EML3: variants seen among roughly 807,000 people sequenced by gnomAD.
The protein encoded by EML3 is EMAP like 3.
In EML3, 53 loss-of-function variants were observed where a neutral mutation model predicts 106.7. The ratio of observed to expected loss-of-function variants is 0.50; its 90% CI spans 0.40 to 0.62. The LOEUF (loss-of-function observed/expected upper bound fraction) is 0.62, where lower values mean the gene tolerates loss of function less well. Ranked by LOEUF, EML3 falls within the 20% of genes least tolerant of loss-of-function variation. The pLI is 0.00. For missense variants in EML3, 994 were observed against 1,209.1 expected (o/e 0.82, Z 2.64); for synonymous variants, 499 against 489.6 (o/e 1.02, Z -0.25).
intron 11 of EML3, 150 bp downstream of exon 11, chr11:62,607,516 G>A (rs1444988161): frequency 2.2e-6 from 2 of 908,054 alleles, no homozygotes; most frequent in African/African-American, 1.7e-5. Context: ...TGGCCTGGGT[G>A]ACAAGAGCAA....
Position 62,609,379 on chromosome 11 carries a change from G to A in EML3, c.733C>T (p.Pro245Ser), listed in dbSNP as rs184747095. 8.8e-6 allele frequency: 14 copies of A among 1,592,514 alleles called. No individual in the cohort carries two copies. In the African/African-American group the frequency reaches 1.8e-4, roughly 20 times the overall value. The change falls in exon 6 of 22, where the codon CCA (proline) becomes TCA (serine). Residue 245 changes from proline (P) to serine (S), a missense_variant. Transcript: ENST00000394773. ...ACCCAGTCAAGGCTGAGGGTCTCTG[G>A]CGGTGGGCCACTCGGCAGCTCCTCA... is the stretch of plus-strand genomic sequence containing the variant. ...SLEELPSGPP[P>S]ETLSLDWVYG...
chr11:62,611,125 C>T lies in EML3; in HGVS notation c.414G>A (p.Gly138=), dbSNP rs1337744249. 2 of 1,597,370 alleles carry T rather than the reference C, an allele frequency of 1.3e-6. No homozygotes were observed. Among genetic ancestry groups the T allele is most frequent in the Non-Finnish European group, 1.7e-6 (2 of 1,177,578 alleles). ...SSGAGSPGPP[G]ILRPLQPPQR... ...GTGGGGGCTGCAAGGGCCTGAGGAT[C>T]CCCGGGGGGCCAGGGGAGCCAGCAC... is the stretch of plus-strand genomic sequence containing the variant. Residue 138 remains glycine (G), a synonymous_variant, in exon 3 of 22, where the codon GGG becomes GGA. Transcript: ENST00000394773.
chr11:62,608,905 C>T, intron 7 of EML3, 57 bp downstream of exon 7: 1 of 1,598,444 alleles, frequency 6.3e-7, no homozygotes, highest in South Asian at 1.1e-5. Context: ...TTTTCTCCTG[C>T]TTCTCCATCC....
chr11:62,606,841 A>C, intron 12 of EML3, 117 bp downstream of exon 12: 1 of 1,218,478 alleles, frequency 8.2e-7, no homozygotes. Context: ...TGGGCAACAG[A>C]GTAAGACCTC....
At position 62,608,640 on chromosome 11, in the gene EML3, C is replaced by T. The variant is rs139448366; in HGVS notation, c.1012G>A (p.Val338Met). The change falls in exon 9 of 22, where the codon GTG (valine) becomes ATG (methionine). Residue 338 changes from valine (V) to methionine (M), a missense_variant. Val to Met is a conservative substitution (Grantham distance 21). This residue lies in a region of EML3 where 713 missense variants were observed against 920.5 expected (regional missense o/e 0.77). Transcript: ENST00000394773. The part of the protein sequence containing the change: ...VDKDGKPLQP[V>M]VHIWDSETLL... The stretch of plus-strand genomic sequence containing the variant: ...GTCTCTGAGTCCCAGATGTGAACCA[C>T]AGGCTGCAGGGGCTGGTGGAGGAAG... 1.1e-4 allele frequency: 170 copies of T among 1,614,104 alleles called. No homozygotes were observed. Among genetic ancestry groups the T allele is most frequent in the Non-Finnish European group, 1.3e-4 (158 of 1,180,042 alleles).
intron 11 of EML3, chr11:62,607,400 C>G (rs1942587192): frequency 4.3e-6 from 2 of 460,836 alleles, no homozygotes; most frequent in Admixed American, 7.7e-5. Flanking sequence ...CAAAAATCAG[C>G]CGGCGCGCAT....
intron 19 of EML3, 83 bp from the exon 20 acceptor site, chr11:62,603,330 T>A: frequency 7.4e-7 from 1 of 1,356,620 alleles, no homozygotes; most frequent in Non-Finnish European, 1.0e-6. Flanking sequence ...CTGGAAAGAC[T>A]GGCATGAAAC....
chr11:62,608,525 C>A lies in EML3; in HGVS notation c.1110+17G>T, dbSNP rs374971596. On this transcript the variant is annotated intron_variant, in intron 9 of 21. Transcript: ENST00000394773. ...CTAGGCAAGAATGGGGGTCTAGAGGCTTCAGGGCCAGCTCACCGCAGCTGA... is the reference window on the plus strand; with the variant it reads ...CTAGGCAAGAATGGGGGTCTAGAGGATTCAGGGCCAGCTCACCGCAGCTGA... 6.2e-7 allele frequency: 1 copy of A among 1,610,706 alleles called. No individual in the cohort carries two copies. Among genetic ancestry groups the A allele is most frequent in the Non-Finnish European group, 8.5e-7 (1 of 1,177,830 alleles).
intron 7 of EML3, 22 bp from the exon 8 acceptor site, chr11:62,608,827 C>G: frequency 1.3e-6 from 2 of 1,565,542 alleles, no homozygotes; most frequent in Non-Finnish European, 1.7e-6. Context: ...GGAAGACACT[C>G]TAGGGAAAGG....
At chr11:62,609,253 G>C in intron 6 of EML3, 101 bp downstream of exon 6, 1 of 1,552,814 alleles carries the variant, frequency 6.4e-7, no homozygotes, top group Non-Finnish European at 8.7e-7. Context: ...AGAGGATCTA[G>C]AAGGCTCCTT....
Position 62,608,541 on chromosome 11 carries a change from C to T in EML3, c.1110+1G>A. On this transcript the variant is annotated splice_donor_variant, in intron 9 of 21. Transcript: ENST00000394773. LOFTEE classifies it high-confidence loss of function. Reference sequence around the variant, plus strand: ...GTCTAGAGGCTTCAGGGCCAGCTCACCGCAGCTGAAAAGGCCAGGGCCCCA... The same window carrying T: ...GTCTAGAGGCTTCAGGGCCAGCTCATCGCAGCTGAAAAGGCCAGGGCCCCA... The T allele has an allele frequency of 6.2e-7, 1 of 1,613,250 alleles. No individual in the cohort carries two copies. Among genetic ancestry groups the T allele is most frequent in the Non-Finnish European group, 8.5e-7 (1 of 1,179,700 alleles).
In EML3 at chr11:62,602,892, A is replaced by AG; in HGVS notation, c.2357-4dup. 3 of 1,556,968 alleles carry AG rather than the reference A, an allele frequency of 1.9e-6. No individual in the cohort carries two copies. The highest frequency in any genetic ancestry group is 2.6e-6 in the Non-Finnish European group (3 of 1,151,070). ...ATCGGAGCCGTCCGGCCAGACGCCT[A>AG]GCACAGCGGCCGGCCTCAGCCCGAC... is the stretch of plus-strand genomic sequence containing the variant. On this transcript the variant is annotated splice_region_variant and splice_polypyrimidine_tract_variant and intron_variant, in intron 20 of 21. Transcript: ENST00000394773.
At chr11:62,608,707 G>A in intron 8 of EML3, 29 bp downstream of exon 8, 1 of 1,613,884 alleles carries the variant, frequency 6.2e-7, no homozygotes, top group Non-Finnish European at 8.5e-7. Flanking sequence ...ATTCCAGCAT[G>A]TCTGCCTGCT....
intron 1 of EML3, 50 bp from the exon 2 acceptor site, chr11:62,611,646 G>A: frequency 6.4e-7 from 1 of 1,556,426 alleles, no homozygotes; most frequent in East Asian, 2.3e-5. Context: ...CCTGAAGAAA[G>A]CGTAGAGGGG....
intron 12 of EML3, 148 bp from the exon 13 acceptor site, chr11:62,606,362 T>G: frequency 1.1e-6 from 1 of 927,460 alleles, no homozygotes; most frequent in Non-Finnish European, 1.6e-6. Flanking sequence ...AACACATCTG[T>G]TATTCTCCCC....
intron 20 of EML3, 73 bp from the exon 21 acceptor site, chr11:62,602,962 G>A: frequency 6.8e-7 from 1 of 1,472,856 alleles, no homozygotes; most frequent in Non-Finnish European, 9.0e-7. Context: ...ACCATTTCAG[G>A]CGCTCCGGCA....
chr11:62,610,912 G>T lies in EML3; in HGVS notation c.533C>A (p.Ala178Asp). ...GCTCCCGGACCGCACTAACAGGTTG[G>T]CGGAGGAGATTGCCTTCCTGGAGAG... ...QKLSRKAISS[A>D]NLLVRSGSTE... The change falls in exon 4 of 22, where the codon GCC becomes GAC. Residue 178 changes from alanine to aspartate, a missense_variant. Coordinates refer to ENST00000394773, the MANE Select transcript of EML3 (RefSeq NM_153265.3). 1 of 1,612,990 alleles carries T rather than the reference G, an allele frequency of 6.2e-7. No homozygotes were observed. Among genetic ancestry groups the T allele is most frequent in the Non-Finnish European group, 8.5e-7 (1 of 1,179,706 alleles).
chr11:62,612,405 G>T, intron 1 of EML3, 31 bp downstream of exon 1: 1 of 1,500,262 alleles, frequency 6.7e-7, no homozygotes, highest in East Asian at 2.8e-5. Flanking sequence ...CTCCGGGAAG[G>T]GGCACGCCGC....
chr11:62,608,889 C>A lies in EML3; in HGVS notation c.929+73G>T. 4.4e-6 allele frequency: 7 copies of A among 1,589,022 alleles called. No homozygotes were observed. The South Asian group carries it at 5.7e-5, about 13-fold the overall frequency. On this transcript the variant is annotated intron_variant, in intron 7 of 21. Transcript: ENST00000394773. The stretch of plus-strand genomic sequence containing the variant: ...TCTCCAAGCTTGCAGAGCAGCAAGG[C>A]AACTCTTTTCTCCTGCTTCTCCATC...
Sources: allele counts gnomAD v4.1 joint callset, GRCh38; gene constraint gnomAD v4.1.1; regional missense constraint gnomAD v4.1.1; transcripts MANE v1.5; gene names NCBI Gene and HGNC (gene_info 2026-07-23, HGNC 2026-07-21).